The following STXBP5L variants were observed in gnomAD, a reference collection of about 807,000 sequenced individuals.
The protein encoded by STXBP5L is syntaxin-binding protein 5-like.
STXBP5L carries 65 observed loss-of-function variants against 144.5 expected under a neutral mutation model. The observed-to-expected ratio is 0.45, with a 90% confidence interval of 0.37 to 0.55. The LOEUF (loss-of-function observed/expected upper bound fraction) is 0.55, where lower values mean the gene tolerates loss of function less well. Ranked by LOEUF, STXBP5L falls within the 20% of genes least tolerant of loss-of-function variation. STXBP5L has a pLI of 0.00. For missense variants in STXBP5L, 1,298 were observed against 1,405.5 expected, an observed-to-expected ratio of 0.92 and a Z score of 1.22; for synonymous variants, 505 against 469.6, an observed-to-expected ratio of 1.08 and a Z score of -0.97.
chr3:121,023,936 T>G (rs1945741220), intron 3 of STXBP5L, among the ~76,000 whole-genome samples: 1 of 152,080 alleles, frequency 6.6e-6, no homozygotes, highest in Admixed American at 6.6e-5. Flanking sequence ...TTTTTTGTAT[T>G]TTTAGTAGAG....
At chr3:120,983,855 T>G (rs1005893154) in intron 3 of STXBP5L, among the ~76,000 whole-genome samples, 2 of 152,210 alleles carry the variant, frequency 1.3e-5, no homozygotes, top group Non-Finnish European at 2.9e-5. Context: ...GACAATCCAT[T>G]CAAAGTGTGT....
intron 10 of STXBP5L, among the ~76,000 whole-genome samples, chr3:121,216,053 C>T (rs2048765822): frequency 6.7e-6 from 1 of 149,498 alleles, no homozygotes; most frequent in Non-Finnish European, 1.5e-5. Context: ...GGTCATTTAT[C>T]TTCTTCTCTA....
chr3:121,015,198 A>C (rs1175456283), intron 3 of STXBP5L, among the ~76,000 whole-genome samples: 1 of 152,202 alleles, frequency 6.6e-6, no homozygotes, highest in Non-Finnish European at 1.5e-5. Flanking sequence ...TTAACAAAAT[A>C]GCAAGAAGTT....
intron 20 of STXBP5L, among the ~76,000 whole-genome samples, chr3:121,338,371 C>T (rs925109862): frequency 3.6e-4 from 55 of 151,762 alleles, no homozygotes; most frequent in African/African-American, 1.3e-3. Flanking sequence ...TGGCCAGGTG[C>T]GGTGGTTCAC....
At chr3:121,080,442 G>A (rs1391539105) in intron 5 of STXBP5L, among the ~76,000 whole-genome samples, 1 of 151,810 alleles carries the variant, frequency 6.6e-6, no homozygotes, top group South Asian at 2.1e-4. Context: ...TGCTTTAAGG[G>A]GTTTCTATTT....
intron 3 of STXBP5L, among the ~76,000 whole-genome samples, chr3:120,977,377 T>C (rs1183567396): frequency 1.3e-5 from 2 of 152,162 alleles, no homozygotes; most frequent in Non-Finnish European, 2.9e-5. Context: ...CCCCTGCCTT[T>C]TTTTGTTTTC....
chr3:121,120,817 AG>A (rs2044425104), intron 6 of STXBP5L, among the ~76,000 whole-genome samples: 1 of 151,312 alleles, frequency 6.6e-6, no homozygotes, highest in South Asian at 2.1e-4. Context: ...TATAATCATA[AG>A]AATAATTTGA....
chr3:121,159,392 T>C (rs975522282), intron 9 of STXBP5L, among the ~76,000 whole-genome samples: 8 of 151,884 alleles, frequency 5.3e-5, no homozygotes, highest in Non-Finnish European at 1.0e-4. Flanking sequence ...GGTCCTAAGC[T>C]TCTGGAGGCC....
At chr3:121,035,695 T>C (rs143364252) in intron 3 of STXBP5L, among the ~76,000 whole-genome samples, 46 of 152,312 alleles carry the variant, frequency 3.0e-4, no homozygotes, top group Middle Eastern at 3.4e-3. Context: ...TCTGGCACTT[T>C]TATTGGTTCC....
At chr3:121,142,678 AG>A (rs1175323049) in intron 7 of STXBP5L, among the ~76,000 whole-genome samples, 3 of 152,132 alleles carry the variant, frequency 2.0e-5, no homozygotes, top group Non-Finnish European at 2.9e-5. Flanking sequence ...AAATCAAAAA[AG>A]AAATTAGAAA....
At position 121,121,735 on chromosome 3, in the gene STXBP5L, T is replaced by G. The variant is rs1250017003; in HGVS notation, c.669+31T>G. The G allele has an allele frequency of 1.3e-5, 20 of 1,501,424 alleles. No homozygotes were observed. In the Admixed American group the frequency reaches 3.4e-4, roughly 26 times the overall value. The allele number at this position is 1,501,424 out of a possible 1,614,324, so 93.0% of individuals were successfully genotyped here. ...TATTATGATATCTTTATTATTAGTT[T>G]TATTTTCCTCATTCTTGAAAAAAGG... On this transcript the variant is annotated intron_variant, in intron 7 of 26. Coordinates refer to ENST00000471454, the MANE Select transcript of STXBP5L (RefSeq NM_001308330.2).
intron 3 of STXBP5L, among the ~76,000 whole-genome samples, chr3:120,998,970 T>C (rs1355581397): frequency 6.6e-6 from 1 of 152,188 alleles, no homozygotes; most frequent in Non-Finnish European, 1.5e-5. Flanking sequence ...TTTCATTGTT[T>C]ACTCAAAAAT....
intron 7 of STXBP5L, among the ~76,000 whole-genome samples, chr3:121,130,434 G>A (rs765574493): frequency 2.0e-5 from 3 of 152,108 alleles, no homozygotes; most frequent in Non-Finnish European, 4.4e-5. Context: ...AAAGCTATTA[G>A]TGAATTAGAT....
chr3:121,248,034 C>G (rs1278250699), intron 14 of STXBP5L, among the ~76,000 whole-genome samples: 3 of 152,112 alleles, frequency 2.0e-5, no homozygotes, highest in Non-Finnish European at 4.4e-5. Context: ...ACGATGGTAT[C>G]CTACTGTGTT....
chr3:121,100,217 C>T (rs937034040), intron 5 of STXBP5L, among the ~76,000 whole-genome samples: 1 of 152,082 alleles, frequency 6.6e-6, no homozygotes, highest in Non-Finnish European at 1.5e-5. Flanking sequence ...CAATGAAATT[C>T]TGGATTAAAT....
At chr3:121,306,261 T>G (rs77334204) in intron 19 of STXBP5L, among the ~76,000 whole-genome samples, 2,931 of 152,252 alleles carry the variant, frequency 0.019, 89 homozygotes, top group African/African-American at 0.066. Flanking sequence ...CCTTCCAGGT[T>G]GCCAGCATTT....
At chr3:121,116,693 A>T (rs1033373209) in intron 6 of STXBP5L, among the ~76,000 whole-genome samples, 5 of 152,050 alleles carry the variant, frequency 3.3e-5, no homozygotes, top group Non-Finnish European at 7.4e-5. Flanking sequence ...GAATATTTCT[A>T]AAAACATTAA....
intron 6 of STXBP5L, among the ~76,000 whole-genome samples, chr3:121,116,093 A>G (rs2044219724): frequency 6.6e-6 from 1 of 152,126 alleles, no homozygotes; most frequent in Non-Finnish European, 1.5e-5. Flanking sequence ...ATCACCATCT[A>G]TTTGTAGTAC....
intron 5 of STXBP5L, among the ~76,000 whole-genome samples, chr3:121,073,932 G>A (rs947300049): frequency 6.6e-6 from 1 of 152,186 alleles, no homozygotes; most frequent in African/African-American, 2.4e-5. Flanking sequence ...TTTGGCCACA[G>A]ATTTGTGCCT....
Sources: gnomAD v4.1 joint callset for allele counts (sites outside exome capture counted in the v4.1 genomes callset) on GRCh38, gnomAD v4.1.1 for gene constraint, MANE v1.5 for transcripts, NCBI Gene and HGNC (gene_info 2026-07-23, HGNC 2026-07-21) for gene names.